CNTNAP2: variants seen among roughly 807,000 people sequenced by gnomAD.
The protein encoded by CNTNAP2 is contactin-associated protein-like 2.
A neutral mutation model predicts 155.2 loss-of-function variants in CNTNAP2; 98 were observed. The ratio of observed to expected loss-of-function variants is 0.63; its 90% CI spans 0.54 to 0.75. The LOEUF (loss-of-function observed/expected upper bound fraction) is 0.75, where lower values mean the gene tolerates loss of function less well. Ranked by LOEUF, CNTNAP2 falls within the 30% of genes least tolerant of loss-of-function variation. CNTNAP2 has a pLI of 0.00. For missense variants in CNTNAP2, 1,727 were observed against 1,688.1 expected (o/e 1.02, Z -0.40); for synonymous variants, 651 against 631.2 (o/e 1.03, Z -0.47).
chr7:146,420,777 T>C (rs1796000441), intron 1 of CNTNAP2, among the ~76,000 whole-genome samples: 1 of 152,104 alleles, frequency 6.6e-6, no homozygotes, highest in East Asian at 1.9e-4. Context: ...TTGAGTTATA[T>C]AAGACACATC....
intron 10 of CNTNAP2, among the ~76,000 whole-genome samples, chr7:147,476,182 T>G (rs1157581687): frequency 6.6e-6 from 1 of 152,148 alleles, no homozygotes. Flanking sequence ...CTCGGCTCAC[T>G]GCAATCTCCT....
chr7:148,168,894 G>A (rs896774579), intron 17 of CNTNAP2, among the ~76,000 whole-genome samples: 2 of 152,092 alleles, frequency 1.3e-5, no homozygotes, highest in African/African-American at 4.8e-5. Flanking sequence ...AGAAAATATG[G>A]TTGAATAATC....
chr7:146,599,587 C>T (rs977085998), intron 1 of CNTNAP2, among the ~76,000 whole-genome samples: 5 of 146,114 alleles, frequency 3.4e-5, no homozygotes, highest in African/African-American at 5.5e-5. Flanking sequence ...CCTTTTTCCC[C>T]GCCGCCCATA....
At chr7:147,576,462 G>A (rs1800398262) in intron 12 of CNTNAP2, among the ~76,000 whole-genome samples, 1 of 152,010 alleles carries the variant, frequency 6.6e-6, no homozygotes, top group African/African-American at 2.4e-5. Context: ...TCCTTGTATG[G>A]CTGTTTTTAC....
chr7:147,910,302 CAT>C (rs1399930679), intron 14 of CNTNAP2, among the ~76,000 whole-genome samples: 1 of 152,162 alleles, frequency 6.6e-6, no homozygotes, highest in Non-Finnish European at 1.5e-5. Flanking sequence ...ATAGTAGTTA[CAT>C]GTCAGCCACT....
chr7:147,256,897 A>T (rs1563135889), intron 8 of CNTNAP2, among the ~76,000 whole-genome samples: 1 of 152,150 alleles, frequency 6.6e-6, no homozygotes, highest in Non-Finnish European at 1.5e-5. Flanking sequence ...AGGAAAAAAA[A>T]AATACTAGGA....
At chr7:148,125,553 A>G (rs1450854384) in intron 16 of CNTNAP2, among the ~76,000 whole-genome samples, 3 of 152,076 alleles carry the variant, frequency 2.0e-5, no homozygotes, top group Non-Finnish European at 4.4e-5. Context: ...ATGTTGCTGC[A>G]AAGGACATTA....
chr7:147,329,557 C>T (rs961226533), intron 9 of CNTNAP2, among the ~76,000 whole-genome samples: 34 of 152,034 alleles, frequency 2.2e-4, no homozygotes, highest in Non-Finnish European at 1.2e-4. Context: ...GAATCCTGGC[C>T]TCATGGTGCA....
intron 1 of CNTNAP2, among the ~76,000 whole-genome samples, chr7:146,281,714 G>T (rs1362293784): frequency 2.6e-5 from 4 of 151,856 alleles, no homozygotes; most frequent in African/African-American, 9.7e-5. Context: ...AGAGTCACTT[G>T]CACCCGGGAG....
chr7:147,919,426 G>A (rs1374058653), intron 14 of CNTNAP2, among the ~76,000 whole-genome samples: 4 of 147,346 alleles, frequency 2.7e-5, no homozygotes, highest in Non-Finnish European at 6.0e-5. Context: ...AGGACTATAC[G>A]CATGTGCCAC....
At chr7:147,203,616 T>C (rs1802963554) in intron 8 of CNTNAP2, among the ~76,000 whole-genome samples, 1 of 152,182 alleles carries the variant, frequency 6.6e-6, no homozygotes, top group African/African-American at 2.4e-5. Flanking sequence ...TTAATACACA[T>C]AGATTCTTGA....
At chr7:147,414,116 A>C (rs190999962) in intron 10 of CNTNAP2, among the ~76,000 whole-genome samples, 1 of 152,144 alleles carries the variant, frequency 6.6e-6, no homozygotes, top group Non-Finnish European at 1.5e-5. Flanking sequence ...TGGTTTTTCA[A>C]TCACTCACTG....
intron 1 of CNTNAP2, among the ~76,000 whole-genome samples, chr7:146,355,479 C>G (rs1054664377): frequency 3.7e-4 from 56 of 152,220 alleles, no homozygotes; most frequent in African/African-American, 1.2e-3. Flanking sequence ...ATCAGTTAAT[C>G]ATGTTACTCA....
At chr7:147,186,798 G>A (rs1421177204) in intron 8 of CNTNAP2, among the ~76,000 whole-genome samples, 2 of 152,178 alleles carry the variant, frequency 1.3e-5, no homozygotes, top group African/African-American at 4.8e-5. Flanking sequence ...CAGAAGCAGA[G>A]GGAAGTGAAG....
chr7:146,819,110 A>G lies in CNTNAP2; in HGVS notation c.209-20601A>G, dbSNP rs969295751. Among the ~76,000 whole-genome samples, 7 of 152,140 alleles carry G rather than the reference A, an allele frequency of 4.6e-5. 1 individual carries two copies. The South Asian group carries it at 8.3e-4, about 18-fold the overall frequency. On this transcript the variant is annotated intron_variant, in intron 2 of 23. Coordinates refer to ENST00000361727, the MANE Select transcript of CNTNAP2 (RefSeq NM_014141.6). ...AATACATATTATTTATATCAGCTAT[A>G]AAGTATTCTATATGATCATTCTATC...
chr7:148,311,593 C>T (rs979033691), intron 21 of CNTNAP2, among the ~76,000 whole-genome samples: 1 of 151,978 alleles, frequency 6.6e-6, no homozygotes, highest in Non-Finnish European at 1.5e-5. Context: ...GGCAAATCCT[C>T]GAGCTTGATG....
chr7:146,753,888 C>CT (rs2129182888), intron 1 of CNTNAP2, among the ~76,000 whole-genome samples: 1 of 152,096 alleles, frequency 6.6e-6, no homozygotes, highest in African/African-American at 2.4e-5. Flanking sequence ...TATTTGAAAT[C>CT]TTACTATATG....
At chr7:146,194,153 G>T (rs1004034824) in intron 1 of CNTNAP2, among the ~76,000 whole-genome samples, 1 of 152,126 alleles carries the variant, frequency 6.6e-6, no homozygotes, top group Admixed American at 6.5e-5. Flanking sequence ...ACTGTTCCAA[G>T]CTCTGCCTGT....
chr7:148,121,268 C>T (rs1024720399), intron 16 of CNTNAP2, among the ~76,000 whole-genome samples: 2 of 152,066 alleles, frequency 1.3e-5, no homozygotes, highest in Non-Finnish European at 2.9e-5. Flanking sequence ...CTCCTGACCT[C>T]GTGATCCACC....
Sources: allele counts gnomAD v4.1 joint callset (sites outside exome capture counted in the v4.1 genomes callset), GRCh38; gene constraint gnomAD v4.1.1; transcripts MANE v1.5; gene names NCBI Gene and HGNC (gene_info 2026-07-23, HGNC 2026-07-21).